CFAP61: variants seen among roughly 807,000 people sequenced by gnomAD.
CFAP61 encodes cilia and flagella associated protein 61, also known as cilia- and flagella-associated protein 61.
In CFAP61, 107 loss-of-function variants were observed where a neutral mutation model predicts 135.6. The observed-to-expected ratio is 0.79, with a 90% confidence interval of 0.67 to 0.93. The LOEUF is 0.93. Among genes scored for constraint, CFAP61 ranks in the 40% least tolerant of loss-of-function variants. CFAP61 has a pLI of 0.00. For missense variants in CFAP61, 1,507 were observed against 1,556.2 expected (o/e 0.97, Z 0.53); for synonymous variants, 575 against 578.5 (o/e 0.99, Z 0.09).
intron 26 of CFAP61, among the ~76,000 whole-genome samples, chr20:20,358,033 C>G (rs113150957): frequency 0.052 from 2,264 of 43,236 alleles, 12 homozygotes; most frequent in Middle Eastern, 0.095. Flanking sequence ...GGTGGTCACA[C>G]TGAGGAGAGG....
chr20:20,219,229 G>A (rs2048238365), intron 17 of CFAP61, among the ~76,000 whole-genome samples: 1 of 152,178 alleles, frequency 6.6e-6, no homozygotes, highest in African/African-American at 2.4e-5. Flanking sequence ...TAGGTTGGAT[G>A]CTGCCCAGTT....
intron 21 of CFAP61, chr20:20,265,802 A>G (rs748825717): frequency 3.9e-5 from 10 of 259,360 alleles, no homozygotes; most frequent in Non-Finnish European, 7.2e-5. Context: ...AAAAAAAGTT[A>G]AGAAAAAATG....
At chr20:20,161,226 C>T (rs551068459) in intron 10 of CFAP61, among the ~76,000 whole-genome samples, 53 of 152,202 alleles carry the variant, frequency 3.5e-4, no homozygotes, top group African/African-American at 1.2e-3. Flanking sequence ...GTAGCCGTTC[C>T]GTTATGAACC....
chr20:20,168,128 A>G (rs368135125), intron 12 of CFAP61, among the ~76,000 whole-genome samples: 10 of 152,230 alleles, frequency 6.6e-5, no homozygotes, highest in African/African-American at 1.9e-4. Context: ...GTTGCATGCA[A>G]TGTCACAATC....
chr20:20,349,954 C>T (rs1190006319), intron 26 of CFAP61, among the ~76,000 whole-genome samples: 1 of 152,150 alleles, frequency 6.6e-6, no homozygotes, highest in Non-Finnish European at 1.5e-5. Flanking sequence ...GAAAAAAGAA[C>T]AGAGTTGAAG....
intron 20 of CFAP61, among the ~76,000 whole-genome samples, chr20:20,252,724 G>A (rs4814969): frequency 0.065 from 9,943 of 152,264 alleles, 1,131 homozygotes; most frequent in East Asian, 0.53. Context: ...GTGTATGACA[G>A]TTTTCCTTCA....
chr20:20,269,648 AGG>A (rs1470236867), intron 21 of CFAP61, among the ~76,000 whole-genome samples: 1 of 152,248 alleles, frequency 6.6e-6, no homozygotes, highest in African/African-American at 2.4e-5. Context: ...CTGGGATTAC[AGG>A]CATGAGCCAC....
intron 8 of CFAP61, among the ~76,000 whole-genome samples, chr20:20,138,040 A>T (rs2051071569): frequency 6.6e-6 from 1 of 152,080 alleles, no homozygotes; most frequent in African/African-American, 2.4e-5. Flanking sequence ...GTGTCTAGGA[A>T]TGTCATCCAG....
At position 20,360,371 on chromosome 20, in the gene CFAP61, C is replaced by T. The variant is rs770160989; in HGVS notation, c.3675C>T (p.Arg1225=). 1 of 1,613,922 alleles carries T rather than the reference C, an allele frequency of 6.2e-7. No individual in the cohort carries two copies. Among genetic ancestry groups the T allele is most frequent in the Admixed American group, 1.7e-5 (1 of 60,034 alleles). The change falls in exon 27 of 27, where the codon CGC becomes CGT. Residue 1225 remains arginine, a synonymous_variant. Coordinates refer to ENST00000245957, the MANE Select transcript of CFAP61 (RefSeq NM_015585.4). ...RSTLDYLHYN[R]YHLPMYAWPG... is the part of the protein sequence containing the mutation. ...CTCTTGACTACCTGCACTATAACCG[C>T]TACCACCTGCCCATGTACGCGTGGC...
At chr20:20,214,690 TG>T (rs2047915353) in intron 17 of CFAP61, among the ~76,000 whole-genome samples, 1 of 152,246 alleles carries the variant, frequency 6.6e-6, no homozygotes, top group South Asian at 2.1e-4. Context: ...CACAGCCCCC[TG>T]GACCGCTGTA....
chr20:20,223,203 C>T (rs1409172105), intron 17 of CFAP61, among the ~76,000 whole-genome samples: 3 of 152,148 alleles, frequency 2.0e-5, no homozygotes. Context: ...CTGAAAAGCT[C>T]AAAGTATTTG....
intron 25 of CFAP61, among the ~76,000 whole-genome samples, chr20:20,328,115 A>C (rs1476291332): frequency 6.6e-6 from 1 of 152,230 alleles, no homozygotes; most frequent in Non-Finnish European, 1.5e-5. Flanking sequence ...AATAAAAAGA[A>C]GGCCAGCGTG....
chr20:20,345,438 G>A (rs544495825), intron 26 of CFAP61, among the ~76,000 whole-genome samples: 3 of 152,230 alleles, frequency 2.0e-5, no homozygotes, highest in African/African-American at 4.8e-5. Flanking sequence ...TTCAAATGAT[G>A]TAAACCATTT....
chr20:20,142,936 G>A lies in CFAP61; in HGVS notation c.939G>A (p.Met313Ile). 1 of 1,588,272 alleles carries A rather than the reference G, an allele frequency of 6.3e-7. No individual in the cohort carries two copies. Among genetic ancestry groups the A allele is most frequent in the Non-Finnish European group, 8.6e-7 (1 of 1,164,638 alleles). ...AGGAACCTGTCTCTCCAGATACCATGGAAAACATCCAGGTGAGAGAGACTA... is the reference window on the plus strand; with the variant it reads ...AGGAACCTGTCTCTCCAGATACCATAGAAAACATCCAGGTGAGAGAGACTA... ...ELQEPVSPDT[M>I]ENIQGNIARE... Residue 313 changes from methionine (M) to isoleucine (I), a missense_variant, in exon 9 of 27, where the codon ATG (methionine) becomes ATA (isoleucine). Transcript: ENST00000245957.
chr20:20,333,789 G>C (rs2058080529), intron 25 of CFAP61, among the ~76,000 whole-genome samples: 1 of 152,204 alleles, frequency 6.6e-6, no homozygotes, highest in Admixed American at 6.5e-5. Context: ...GTCCCGTCCA[G>C]AGCAAATGTG....
intron 25 of CFAP61, among the ~76,000 whole-genome samples, chr20:20,323,989 CTTAA>C (rs1398617774): frequency 6.6e-6 from 1 of 152,170 alleles, no homozygotes. Context: ...ACGTGCCTTA[CTTAA>C]TTAACTGGGC....
At chr20:20,067,662 T>A (rs375339428) in intron 2 of CFAP61, among the ~76,000 whole-genome samples, 77 of 122,440 alleles carry the variant, frequency 6.3e-4, no homozygotes, top group Middle Eastern at 4.1e-3. Context: ...TATATATATA[T>A]AATATATATA....
chr20:20,278,245 C>G (rs1393423184), intron 22 of CFAP61, among the ~76,000 whole-genome samples: 1 of 152,192 alleles, frequency 6.6e-6, no homozygotes, highest in Admixed American at 6.5e-5. Flanking sequence ...CCTGCCCAGC[C>G]CAAGGTCTAT....
intron 26 of CFAP61, among the ~76,000 whole-genome samples, chr20:20,346,122 C>T (rs1260610229): frequency 3.8e-5 from 5 of 132,036 alleles, no homozygotes; most frequent in Admixed American, 7.3e-5. Flanking sequence ...AGGATGGTCT[C>T]GATCTCCTGA....
Sources: gnomAD v4.1 joint callset for allele counts (sites outside exome capture counted in the v4.1 genomes callset) on GRCh38, gnomAD v4.1.1 for gene constraint, MANE v1.5 for transcripts, NCBI Gene and HGNC (gene_info 2026-07-23, HGNC 2026-07-21) for gene names.